SORCS1: variants seen among roughly 807,000 people sequenced by gnomAD.
The protein encoded by SORCS1 is sortilin related VPS10 domain containing receptor 1.
Under a neutral mutation model 146.1 loss-of-function variants are expected in SORCS1, and 60 were observed. The ratio of observed to expected loss-of-function variants is 0.41; its 90% CI spans 0.33 to 0.51. The LOEUF (loss-of-function observed/expected upper bound fraction) is 0.51. Ranked by LOEUF, SORCS1 falls within the 20% of genes least tolerant of loss-of-function variation. The pLI is 0.21. For missense variants in SORCS1, 1,352 were observed against 1,487.6 expected (o/e 0.91, Z 1.50); for synonymous variants, 637 against 584.0 (o/e 1.09, Z -1.31).
chr10:106,890,650 G>C (rs546405822), intron 2 of SORCS1, among the ~76,000 whole-genome samples: 1 of 152,174 alleles, frequency 6.6e-6, no homozygotes, highest in Non-Finnish European at 1.5e-5. Flanking sequence ...AAACACAAGG[G>C]ACTCGTCTCA....
intron 1 of SORCS1, among the ~76,000 whole-genome samples, chr10:107,097,716 C>T (rs1007676913): frequency 6.6e-6 from 1 of 152,210 alleles, no homozygotes; most frequent in Admixed American, 6.5e-5. Context: ...AAACTCTCAG[C>T]CTCTTTAGGA....
At chr10:106,595,737 T>G (rs1241015929) in intron 24 of SORCS1, among the ~76,000 whole-genome samples, 1 of 152,196 alleles carries the variant, frequency 6.6e-6, no homozygotes, top group Non-Finnish European at 1.5e-5. Flanking sequence ...CTTTTTGTCC[T>G]CATTTACTCA....
At chr10:107,038,189 G>C (rs578210590) in intron 1 of SORCS1, among the ~76,000 whole-genome samples, 1 of 152,122 alleles carries the variant, frequency 6.6e-6, no homozygotes, top group African/African-American at 2.4e-5. Context: ...AAGCTATAGA[G>C]GAAAAACGGA....
chr10:106,669,344 G>A (rs1395022181), intron 16 of SORCS1, among the ~76,000 whole-genome samples: 1 of 151,980 alleles, frequency 6.6e-6, no homozygotes, highest in Admixed American at 6.6e-5. Flanking sequence ...CAGGACATTG[G>A]GACATCTCAT....
chr10:107,121,553 G>T (rs1316939122), intron 1 of SORCS1, among the ~76,000 whole-genome samples: 2 of 152,148 alleles, frequency 1.3e-5, no homozygotes, highest in Non-Finnish European at 2.9e-5. Flanking sequence ...AGACTGGAGG[G>T]AAAGGCATTA....
chr10:106,763,665 G>A (rs1859323216), intron 4 of SORCS1, among the ~76,000 whole-genome samples: 1 of 152,068 alleles, frequency 6.6e-6, no homozygotes, highest in African/African-American at 2.4e-5. Context: ...CAGATGAAAG[G>A]CCACCTCTTC....
At chr10:106,989,428 T>C (rs757786305) in intron 1 of SORCS1, among the ~76,000 whole-genome samples, 27 of 152,032 alleles carry the variant, frequency 1.8e-4, no homozygotes, top group Non-Finnish European at 3.7e-4. Flanking sequence ...TCCTTTTCTC[T>C]ACTAGCCATC....
chr10:106,947,686 A>C (rs1452284125), intron 2 of SORCS1, among the ~76,000 whole-genome samples: 3 of 152,208 alleles, frequency 2.0e-5, no homozygotes, highest in Non-Finnish European at 4.4e-5. Flanking sequence ...TCTACTAAAA[A>C]TACAAAAAAA....
chr10:106,636,548 G>A (rs1207458136), intron 18 of SORCS1, among the ~76,000 whole-genome samples: 1 of 152,136 alleles, frequency 6.6e-6, no homozygotes, highest in Non-Finnish European at 1.5e-5. Flanking sequence ...AGGGAAAGCA[G>A]GCACGTCTTG....
intron 5 of SORCS1, among the ~76,000 whole-genome samples, chr10:106,749,764 G>A (rs1017912890): frequency 6.6e-6 from 1 of 152,088 alleles, no homozygotes; most frequent in African/African-American, 2.4e-5. Context: ...CCTTTTAGCA[G>A]CAGTTAACAT....
intron 1 of SORCS1, among the ~76,000 whole-genome samples, chr10:107,010,177 G>T (rs1197261283): frequency 6.6e-6 from 1 of 152,222 alleles, no homozygotes; most frequent in African/African-American, 2.4e-5. Context: ...CATGGAGTTT[G>T]TAAGCACATG....
At chr10:107,160,204 A>G (rs1263607958) in intron 1 of SORCS1, among the ~76,000 whole-genome samples, 3 of 152,236 alleles carry the variant, frequency 2.0e-5, no homozygotes, top group Non-Finnish European at 4.4e-5. Flanking sequence ...AGGATTATCT[A>G]AAATATAAAC....
At chr10:107,072,062 T>C (rs891439716) in intron 1 of SORCS1, among the ~76,000 whole-genome samples, 4 of 152,192 alleles carry the variant, frequency 2.6e-5, no homozygotes, top group African/African-American at 9.7e-5. Flanking sequence ...GCAAACTGGA[T>C]GCAGCTGCAG....
chr10:106,671,112 A>C (rs1040565932), intron 16 of SORCS1, 125 bp downstream of exon 16: 18 of 1,300,286 alleles, frequency 1.4e-5, no homozygotes, highest in Non-Finnish European at 1.8e-5. Flanking sequence ...AGGTAATTTT[A>C]TAAGAATATG....
At chr10:106,844,229 GT>G (rs1949204311) in intron 2 of SORCS1, among the ~76,000 whole-genome samples, 2 of 151,922 alleles carry the variant, frequency 1.3e-5, no homozygotes, top group Admixed American at 6.6e-5. Context: ...TTTTAATCAG[GT>G]TTTTTGTTTA....
intron 12 of SORCS1, among the ~76,000 whole-genome samples, chr10:106,678,971 G>A (rs1239624845): frequency 6.6e-6 from 1 of 152,056 alleles, no homozygotes; most frequent in East Asian, 1.9e-4. Context: ...TCATCTGTGG[G>A]AAAAATTTAG....
chr10:107,154,246 G>T (rs1029896539), intron 1 of SORCS1, among the ~76,000 whole-genome samples: 1 of 151,830 alleles, frequency 6.6e-6, no homozygotes, highest in African/African-American at 2.4e-5. Flanking sequence ...CAAGTGATCT[G>T]CCCGCCTCAG....
In SORCS1 at chr10:106,983,078, C is replaced by T. The variant is rs545899147; in HGVS notation, c.559-26498G>A. ...AAATATTTATTTTGGCATCAATATACAGTTTATTTCCTCATTATCTCAGAG... is the reference window on the plus strand; with the variant it reads ...AAATATTTATTTTGGCATCAATATATAGTTTATTTCCTCATTATCTCAGAG... On this transcript the variant is annotated intron_variant, in intron 1 of 25. Coordinates refer to ENST00000263054, the MANE Select transcript of SORCS1 (RefSeq NM_052918.5). Among the ~76,000 whole-genome samples, 29 of 149,778 alleles carry T rather than the reference C, an allele frequency of 1.9e-4. No individual in the cohort carries two copies. In the South Asian group the frequency reaches 5.2e-3, roughly 27 times the overall value.
chr10:106,861,076 A>G (rs1949993428), intron 2 of SORCS1, among the ~76,000 whole-genome samples: 1 of 152,168 alleles, frequency 6.6e-6, no homozygotes, highest in African/African-American at 2.4e-5. Flanking sequence ...TTGGCTGAAG[A>G]CGCAGTGTTA....
Sources: gnomAD v4.1 joint callset for allele counts (sites outside exome capture counted in the v4.1 genomes callset) on GRCh38, gnomAD v4.1.1 for gene constraint, MANE v1.5 for transcripts, NCBI Gene and HGNC (gene_info 2026-07-23, HGNC 2026-07-21) for gene names.